Variants in HLCS observed in about 807,000 individuals in gnomAD.
The protein encoded by HLCS is holocarboxylase synthetase, also known as biotin--protein ligase.
In HLCS, 53 loss-of-function variants were observed where a neutral mutation model predicts 75.0. That is an observed-to-expected ratio of 0.71 (90% CI 0.57 to 0.89). HLCS has a LOEUF of 0.89. Ranked by LOEUF, HLCS falls within the 40% of genes least tolerant of loss-of-function variation. The probability of loss-of-function intolerance (pLI) is 0.00; values close to 1 mark genes in which losing one functional copy is unlikely to be tolerated. For missense variants in HLCS, 966 were observed against 1,074.0 expected, an observed-to-expected ratio of 0.90 and a Z score of 1.41; for synonymous variants, 431 against 428.6, an observed-to-expected ratio of 1.01 and a Z score of -0.07.
At chr21:36,830,437 T>G (rs754984745) in intron 6 of HLCS, among the ~76,000 whole-genome samples, 10 of 152,158 alleles carry the variant, frequency 6.6e-5, no homozygotes, top group Non-Finnish European at 8.8e-5. Context: ...CCGTGTTTCT[T>G]GTCAGAATAT....
At chr21:36,962,805 A>G (rs1360127167) in intron 1 of HLCS, among the ~76,000 whole-genome samples, 1 of 151,096 alleles carries the variant, frequency 6.6e-6, no homozygotes, top group African/African-American at 2.4e-5. Context: ...AAAAAAAAAA[A>G]AAAAAAAAAA....
At chr21:36,834,322 A>T (rs898717614) in intron 6 of HLCS, among the ~76,000 whole-genome samples, 2 of 152,156 alleles carry the variant, frequency 1.3e-5, no homozygotes, top group African/African-American at 4.8e-5. Flanking sequence ...AGTGTGTGGG[A>T]GTCTGTGGGA....
intron 6 of HLCS, among the ~76,000 whole-genome samples, chr21:36,792,017 G>A (rs1022317543): frequency 1.3e-5 from 2 of 152,226 alleles, no homozygotes; most frequent in Admixed American, 6.5e-5. Context: ...TTAGGTGTGG[G>A]CCAGCCACAC....
chr21:36,861,473 A>G (rs7510213), intron 6 of HLCS, among the ~76,000 whole-genome samples: 1,635 of 152,296 alleles, frequency 0.011, 29 homozygotes, highest in African/African-American at 0.037. Context: ...GGTTTGGTGT[A>G]CAGACCATCT....
chr21:36,866,217 T>C (rs2063550608), intron 6 of HLCS, among the ~76,000 whole-genome samples: 1 of 800 alleles, frequency 1.3e-3, no homozygotes, highest in Admixed American at 0.014. Context: ...GGGAAGGGAA[T>C]GGTAAGGGAA....
intron 2 of HLCS, among the ~76,000 whole-genome samples, chr21:36,953,761 A>G (rs747928111): frequency 6.6e-5 from 10 of 152,128 alleles, no homozygotes; most frequent in Admixed American, 1.3e-4. Flanking sequence ...AAATCTTACT[A>G]AATTTATATA....
At chr21:36,979,489 TA>T (rs1421642306) in intron 1 of HLCS, among the ~76,000 whole-genome samples, 2 of 152,160 alleles carry the variant, frequency 1.3e-5, no homozygotes, top group East Asian at 1.9e-4. Context: ...GAGTCTCCTA[TA>T]GGGGGGTCCC....
At chr21:36,940,021 C>T (rs1215987375) in intron 2 of HLCS, among the ~76,000 whole-genome samples, 1 of 152,088 alleles carries the variant, frequency 6.6e-6, no homozygotes, top group Non-Finnish European at 1.5e-5. Flanking sequence ...TGCACTCCAG[C>T]CTGGGTGACA....
chr21:36,759,081 T>C (rs2089722568), intron 9 of HLCS: 1 of 470,882 alleles, frequency 2.1e-6, no homozygotes, highest in Admixed American at 2.3e-5. Context: ...ACACAGGCCT[T>C]GTATTCCCTG....
intron 6 of HLCS, among the ~76,000 whole-genome samples, chr21:36,880,081 A>G (rs552409642): frequency 2.0e-5 from 3 of 152,266 alleles, no homozygotes; most frequent in African/African-American, 7.2e-5. Context: ...TGTCTGATTT[A>G]AGGTTCAGTA....
At chr21:36,852,062 T>C (rs1449634225) in intron 6 of HLCS, 1 of 152,226 alleles carries the variant, frequency 6.6e-6, no homozygotes, top group African/African-American at 2.4e-5. Context: ...TTTAAAGAGA[T>C]TTTTTTAAGA....
chr21:36,931,156 G>C (rs4817828), intron 4 of HLCS, among the ~76,000 whole-genome samples: 1 of 151,604 alleles, frequency 6.6e-6, no homozygotes, highest in African/African-American at 2.4e-5. Context: ...GGTTGCATGA[G>C]CCTGTAATCC....
At chr21:36,899,751 T>A (rs2065158851) in intron 5 of HLCS, among the ~76,000 whole-genome samples, 1 of 152,070 alleles carries the variant, frequency 6.6e-6, no homozygotes, top group African/African-American at 2.4e-5. Context: ...GACGGAGCAA[T>A]GATCAAAGGG....
intron 6 of HLCS, among the ~76,000 whole-genome samples, chr21:36,881,039 C>T (rs536792600): frequency 2.0e-5 from 3 of 152,134 alleles, no homozygotes; most frequent in African/African-American, 7.2e-5. Flanking sequence ...GGCGTGATCT[C>T]GGCTCACTGC....
intron 4 of HLCS, among the ~76,000 whole-genome samples, chr21:36,931,869 C>T (rs1051185207): frequency 1.3e-5 from 2 of 152,202 alleles, no homozygotes; most frequent in African/African-American, 4.8e-5. Context: ...AATCACTTCC[C>T]AGCCGGGGCC....
chr21:36,962,553 C>T (rs2068357305), intron 1 of HLCS, among the ~76,000 whole-genome samples: 2 of 151,860 alleles, frequency 1.3e-5, no homozygotes, highest in Admixed American at 1.3e-4. Flanking sequence ...TTTGGGAGGC[C>T]AAGGTGGGCA....
intron 6 of HLCS, among the ~76,000 whole-genome samples, chr21:36,848,122 G>A (rs1378834072): frequency 6.6e-6 from 1 of 152,052 alleles, no homozygotes; most frequent in Non-Finnish European, 1.5e-5. Flanking sequence ...TCATCTACTT[G>A]GGTTAAATTC....
intron 6 of HLCS, among the ~76,000 whole-genome samples, chr21:36,880,695 C>T (rs2064170833): frequency 6.6e-6 from 1 of 152,190 alleles, no homozygotes; most frequent in South Asian, 2.1e-4. Context: ...TCAGACCCCA[C>T]ACTCCGATTC....
intron 5 of HLCS, among the ~76,000 whole-genome samples, chr21:36,909,840 T>A (rs1053797105): frequency 6.6e-6 from 1 of 152,248 alleles, no homozygotes; most frequent in Non-Finnish European, 1.5e-5. Context: ...ATATTTCTTA[T>A]GATCTCCATG....
Sources: allele counts gnomAD v4.1 joint callset (sites outside exome capture counted in the v4.1 genomes callset), GRCh38; gene constraint gnomAD v4.1.1; transcripts MANE v1.5; gene names NCBI Gene and HGNC (gene_info 2026-07-23, HGNC 2026-07-21).